The following KCNN3 variants were observed in gnomAD, a reference collection of about 807,000 sequenced individuals.
KCNN3 encodes small conductance calcium-activated potassium channel protein 3.
A neutral mutation model predicts 62.9 loss-of-function variants in KCNN3; 16 were observed. That is an observed-to-expected ratio of 0.25 (90% CI 0.17 to 0.39). The LOEUF is 0.39. Ranked by LOEUF, KCNN3 falls within the 10% of genes least tolerant of loss-of-function variation. The probability of loss-of-function intolerance (pLI) is 1.00; values close to 1 mark genes in which losing one functional copy is unlikely to be tolerated. For synonymous variants in KCNN3, 370 were observed against 389.2 expected (o/e 0.95, Z 0.58); for missense variants, 599 against 949.4 (o/e 0.63, Z 4.85).
At chr1:154,852,136 A>T (rs571943409) in intron 1 of KCNN3, among the ~76,000 whole-genome samples, 8 of 152,368 alleles carry the variant, frequency 5.3e-5, no homozygotes, top group Non-Finnish European at 1.0e-4. Context: ...AAAATTAAAT[A>T]TAAAAAGACA....
intron 6 of KCNN3, 45 bp downstream of exon 6, chr1:154,714,831 T>A (rs1033966663): frequency 6.2e-7 from 1 of 1,611,872 alleles, no homozygotes; most frequent in African/African-American, 1.3e-5. Flanking sequence ...GTCCCGCCAC[T>A]CCCAGTCTGG....
chr1:154,763,929 A>G (rs1315837056), intron 3 of KCNN3, among the ~76,000 whole-genome samples: 2 of 152,236 alleles, frequency 1.3e-5, no homozygotes, highest in African/African-American at 4.8e-5. Context: ...GTTTTACTGT[A>G]TATAGCACTT....
In KCNN3 at chr1:154,772,400, G is replaced by A. The variant is rs1312449691; in HGVS notation, c.1030-7C>T. The A allele has an allele frequency of 1.2e-6, 2 of 1,613,838 alleles. No homozygotes were observed. The highest frequency in any genetic ancestry group is 1.7e-6 in the Non-Finnish European group (2 of 1,179,932). ...CATTGTCGATCACGAAGAGCTGGTG[G>A]GAGCAGAAAGTCCATTAGTGTGGCC... On this transcript the variant is annotated splice_region_variant and splice_polypyrimidine_tract_variant and intron_variant, in intron 2 of 7. Transcript: ENST00000271915. This position sits in a 1 kb window ranked among gnomAD's most constrained non-coding sequence, Gnocchi z 5.6.
intron 1 of KCNN3, chr1:154,859,844 T>G (rs565660613): frequency 9.4e-6 from 15 of 1,603,996 alleles, no homozygotes; most frequent in Admixed American, 3.4e-5. Context: ...GACTTTCCTG[T>G]TAATTTGACA....
chr1:154,857,196 G>C (rs1652572379), intron 1 of KCNN3, among the ~76,000 whole-genome samples: 1 of 152,198 alleles, frequency 6.6e-6, no homozygotes, highest in African/African-American at 2.4e-5. Context: ...AGAAAACACT[G>C]TTAACCCCAT....
In KCNN3 at chr1:154,724,301, G is replaced by A. The variant is rs576462124; in HGVS notation, c.1701+1615C>T. 5.9e-5 allele frequency among the ~76,000 whole-genome samples: 9 copies of A among 152,156 alleles called. No individual in the cohort carries two copies. In the East Asian group the frequency reaches 1.4e-3, roughly 23 times the overall value. The stretch of plus-strand genomic sequence containing the variant: ...TCTCTTTTTGTTCTTCCTTCCTGCC[G>A]TTGTCTCTATTTCTAACACATTTTT... On this transcript the variant is annotated intron_variant, in intron 5 of 7. Transcript: ENST00000271915.
intron 4 of KCNN3, among the ~76,000 whole-genome samples, chr1:154,731,677 G>A (rs1238370433): frequency 6.6e-6 from 1 of 152,150 alleles, no homozygotes; most frequent in African/African-American, 2.4e-5. Flanking sequence ...CAACGGGGGT[G>A]ACAAATGGAA....
intron 3 of KCNN3, among the ~76,000 whole-genome samples, chr1:154,755,719 G>T (rs1647637809): frequency 6.7e-6 from 1 of 150,202 alleles, no homozygotes; most frequent in Non-Finnish European, 1.5e-5. Context: ...GGAAGAGGAA[G>T]AAGGAAAAGG....
chr1:154,761,764 C>T (rs921080964), intron 3 of KCNN3, among the ~76,000 whole-genome samples: 2 of 152,140 alleles, frequency 1.3e-5, no homozygotes, highest in South Asian at 4.1e-4. Flanking sequence ...TATGGAGAAA[C>T]TCCGTCTCTA....
chr1:154,802,808 T>A (rs1302346893), intron 2 of KCNN3, among the ~76,000 whole-genome samples: 2 of 152,198 alleles, frequency 1.3e-5, no homozygotes, highest in African/African-American at 4.8e-5. Flanking sequence ...TGGAGCCCCA[T>A]CCAAGAGGCA....
At chr1:154,744,298 G>C (rs966128889) in intron 3 of KCNN3, among the ~76,000 whole-genome samples, 3 of 152,198 alleles carry the variant, frequency 2.0e-5, no homozygotes, top group Non-Finnish European at 4.4e-5. Flanking sequence ...AGCAGGATAA[G>C]AGCTGTTACC....
At chr1:154,723,988 T>C (rs1471148213) in intron 5 of KCNN3, among the ~76,000 whole-genome samples, 2 of 152,214 alleles carry the variant, frequency 1.3e-5, no homozygotes, top group Non-Finnish European at 2.9e-5. Context: ...ATCACTGCCA[T>C]CGTGATGTGA....
intron 2 of KCNN3, among the ~76,000 whole-genome samples, chr1:154,797,145 G>A (rs966265495): frequency 6.6e-6 from 1 of 152,212 alleles, no homozygotes; most frequent in Non-Finnish European, 1.5e-5. Context: ...CCTAGAACAG[G>A]AGACAGAGAC....
intron 1 of KCNN3, among the ~76,000 whole-genome samples, chr1:154,822,964 T>C (rs760001222): frequency 2.0e-5 from 3 of 152,194 alleles, no homozygotes; most frequent in African/African-American, 7.2e-5. Flanking sequence ...GACAGCCATT[T>C]AGGGCTACCT....
At chr1:154,727,640 C>G (rs1700498877) in intron 4 of KCNN3, among the ~76,000 whole-genome samples, 1 of 152,202 alleles carries the variant, frequency 6.6e-6, no homozygotes, top group Non-Finnish European at 1.5e-5. Flanking sequence ...CCTTTTCTGA[C>G]CTCATTTTCC....
rs542988856 is a variant in KCNN3, at chr1:154,740,064, T to A, written c.1449-6920A>T. ...AAGTTGTTATGTAGCAACAGATAACTAATACAGTGAACTCTTCTATGAATT... is the reference window on the plus strand; with the variant it reads ...AAGTTGTTATGTAGCAACAGATAACAAATACAGTGAACTCTTCTATGAATT... On this transcript the variant is annotated intron_variant, in intron 3 of 7. Coordinates refer to ENST00000271915, the MANE Select transcript of KCNN3 (RefSeq NM_002249.6). Among the ~76,000 whole-genome samples, 10 of 152,362 alleles carry A rather than the reference T, an allele frequency of 6.6e-5. No homozygotes were observed. The South Asian group carries it at 8.3e-4, about 13-fold the overall frequency.
intron 3 of KCNN3, among the ~76,000 whole-genome samples, chr1:154,752,306 C>T (rs1647417123): frequency 6.6e-6 from 1 of 152,196 alleles, no homozygotes; most frequent in African/African-American, 2.4e-5. Flanking sequence ...TCTACACTGC[C>T]ATTAGCACCA....
rs1233696604 is a variant in KCNN3 at position 154,702,949 on chromosome 1, T to C, written c.*5027A>G. The C allele has an allele frequency of 6.6e-6, 1 of 151,584 alleles. No individual in the cohort carries two copies. The highest frequency in any genetic ancestry group is 1.5e-5 in the Non-Finnish European group (1 of 67,944). 9.4% of individuals were successfully genotyped at this position (151,584 alleles called of 1,614,324 possible). A position where few individuals can be genotyped will look rare whatever the true frequency, so the allele number is the denominator to read the frequency against. ...TGTGTAAACAACTGTCACAGGGCACTTGGCACCTAGATTTGGAGGTCATAT... is the reference window on the plus strand; with the variant it reads ...TGTGTAAACAACTGTCACAGGGCACCTGGCACCTAGATTTGGAGGTCATAT... On this transcript the variant is annotated 3_prime_UTR_variant, in exon 8 of 8. Transcript: ENST00000271915.
At chr1:154,784,436 C>T (rs1219861057) in intron 2 of KCNN3, among the ~76,000 whole-genome samples, 1 of 152,210 alleles carries the variant, frequency 6.6e-6, no homozygotes, top group Non-Finnish European at 1.5e-5. Context: ...CCTAAGCTTG[C>T]GCCCTTCCAT....
Sources: gnomAD v4.1 joint callset for allele counts (sites outside exome capture counted in the v4.1 genomes callset) on GRCh38, gnomAD v4.1.1 for gene constraint, Gnocchi (gnomAD v3.1) non-coding constraint, MANE v1.5 for transcripts, NCBI Gene and HGNC (gene_info 2026-07-23, HGNC 2026-07-21) for gene names.